SLC11A2: variants seen among roughly 807,000 people sequenced by gnomAD.
The protein encoded by SLC11A2 is natural resistance-associated macrophage protein 2.
A neutral mutation model predicts 68.0 loss-of-function variants in SLC11A2; 38 were observed. The ratio of observed to expected loss-of-function variants is 0.56; its 90% CI spans 0.43 to 0.73. SLC11A2 has a LOEUF of 0.73. SLC11A2 is among the 30% of genes least tolerant of loss of function. SLC11A2 has a pLI of 0.00. For synonymous variants in SLC11A2, 242 were observed against 250.6 expected (o/e 0.97, Z 0.32); for missense variants, 517 against 690.5 (o/e 0.75, Z 2.82).
At chr12:50,953,942 T>G in the SLC11A2 span, 1 of 1,054,162 alleles carries the variant, frequency 9.5e-7, no homozygotes, top group South Asian at 1.4e-5. Context: ...GAAAAACAAA[T>G]TATTTTTAAT....
At chr12:51,023,454 T>C (rs1453745126) in intron 1 of SLC11A2, among the ~76,000 whole-genome samples, 1 of 152,018 alleles carries the variant, frequency 6.6e-6, no homozygotes, top group Non-Finnish European at 1.5e-5. Flanking sequence ...CTCAAAAATA[T>C]AAAAATAAAG....
intron 1 of SLC11A2, among the ~76,000 whole-genome samples, chr12:51,012,983 C>G (rs1453540360): frequency 1.2e-4 from 18 of 152,226 alleles, no homozygotes; most frequent in Admixed American, 1.2e-3. Context: ...ACGTTCCCGG[C>G]AAAGCCTTTT....
chr12:50,993,166 G>A (rs572736339), intron 11 of SLC11A2: 3 of 376,128 alleles, frequency 8.0e-6, no homozygotes, highest in East Asian at 5.1e-5. Flanking sequence ...TCTTCTCCAA[G>A]CTCCTAAACC....
intron 1 of SLC11A2, among the ~76,000 whole-genome samples, chr12:51,025,090 A>G (rs1431724623): frequency 6.6e-6 from 1 of 152,250 alleles, no homozygotes; most frequent in Non-Finnish European, 1.5e-5. Context: ...ATTTAATAAA[A>G]CAAACACGCA....
downstream of SLC11A2, among the ~76,000 whole-genome samples, chr12:50,975,055 C>G (rs1939831015): frequency 6.6e-6 from 1 of 152,028 alleles, no homozygotes; most frequent in Non-Finnish European, 1.5e-5. Context: ...ACTTTAACAC[C>G]CGACTGTCAA....
At chr12:51,007,231 T>C (rs1942801981) in intron 3 of SLC11A2, among the ~76,000 whole-genome samples, 1 of 152,172 alleles carries the variant, frequency 6.6e-6, no homozygotes, top group East Asian at 1.9e-4. Context: ...CCAACCACCT[T>C]GGGCACATGT....
At chr12:51,027,917 T>TGGG (rs3840801), upstream of SLC11A2, among the ~76,000 whole-genome samples, 21 of 18,308 alleles carry the variant, frequency 1.1e-3, no homozygotes, top group South Asian at 0.011. Flanking sequence ...CAAAAAAAAG[T>TGGG]GGGGGGGGGG....
At chr12:50,961,070 C>A in the SLC11A2 span, 1 of 1,613,816 alleles carries the variant, frequency 6.2e-7, no homozygotes, top group East Asian at 2.2e-5. Flanking sequence ...AGAGTTGCTG[C>A]CCAAGGATTT....
At chr12:50,961,781 A>C in the SLC11A2 span, among the ~76,000 whole-genome samples, 2 of 152,198 alleles carry the variant, frequency 1.3e-5, no homozygotes, top group Non-Finnish European at 2.9e-5. Context: ...AGTCCCCTTC[A>C]TGACGTGCAG....
rs1027942440 is a variant in SLC11A2 at position 50,986,166 on chromosome 12, G to T, written c.*2159C>A. On this transcript the variant is annotated 3_prime_UTR_variant, in exon 16 of 16. Coordinates refer to ENST00000262052, the MANE Select transcript of SLC11A2 (RefSeq NM_000617.3). ...TAATGTAGCAGCACAATTATTTCAT[G>T]TCACATTTAAGAAGAACAAGAACCA... The T allele has an allele frequency of 3.1e-6, 4 of 1,285,516 alleles. No homozygotes were observed. Among genetic ancestry groups the T allele is most frequent in the Non-Finnish European group, 4.1e-6 (4 of 987,486 alleles). 79.6% of individuals were successfully genotyped at this position (1,285,516 alleles called of 1,614,324 possible). A position where few individuals can be genotyped will look rare whatever the true frequency, so the allele number is the denominator to read the frequency against.
At chr12:50,989,078 T>A (rs897081268) in intron 15 of SLC11A2, among the ~76,000 whole-genome samples, 4 of 152,136 alleles carry the variant, frequency 2.6e-5, no homozygotes, top group African/African-American at 9.7e-5. Context: ...GTCCTCCCCA[T>A]GATAAGAATG....
intron 2 of SLC11A2, chr12:51,009,243 G>A: frequency 7.3e-7 from 1 of 1,374,576 alleles, no homozygotes; most frequent in Non-Finnish European, 9.4e-7. Context: ...GGAACCCTTT[G>A]TACTCTGACT....
Position 50,992,556 on chromosome 12 carries a change from C to T in SLC11A2, c.1198-217G>A, listed in dbSNP as rs144340386. Among the ~76,000 whole-genome samples, 1,263 of 151,820 alleles carry T rather than the reference C, an allele frequency of 8.3e-3. 17 individuals carry two copies. The highest frequency in any genetic ancestry group is 0.028 in the African/African-American group (1,177 of 41,396). ...GACCTGCCTGGCCAACATGGTGAAA[C>T]GCCATCTCTACTAAAAATACAAAAA... On this transcript the variant is annotated intron_variant, in intron 12 of 15. Coordinates refer to ENST00000262052, the MANE Select transcript of SLC11A2 (RefSeq NM_000617.3).
At chr12:50,975,365 C>T (rs1470289795), downstream of SLC11A2, among the ~76,000 whole-genome samples, 1 of 151,946 alleles carries the variant, frequency 6.6e-6, no homozygotes, top group Non-Finnish European at 1.5e-5. Context: ...TACATGGAAA[C>T]TGAACAACCT....
At chr12:51,026,455 C>G, upstream of SLC11A2, 7 of 843,748 alleles carry the variant, frequency 8.3e-6, no homozygotes, top group Non-Finnish European at 1.2e-5. Context: ...GCTGGAGTCC[C>G]TGCAGCGGCC....
At chr12:50,973,158 C>T in the SLC11A2 span, among the ~76,000 whole-genome samples, 79 of 152,088 alleles carry the variant, frequency 5.2e-4, no homozygotes, top group Non-Finnish European at 8.1e-4. Context: ...TCTCCCAGCA[C>T]GGAGCTTGAG....
chr12:50,977,051 G>A (rs1217131468), downstream of SLC11A2, among the ~76,000 whole-genome samples: 10 of 152,212 alleles, frequency 6.6e-5, no homozygotes, highest in East Asian at 3.9e-4. Flanking sequence ...AATCAATATC[G>A]TGAAAACGGC....
chr12:50,953,589 C>G, the SLC11A2 span, among the ~76,000 whole-genome samples: 1 of 152,154 alleles, frequency 6.6e-6, no homozygotes, highest in Non-Finnish European at 1.5e-5. Context: ...GTATTTTTGC[C>G]TATGTTGGCA....
At chr12:50,974,749 C>G (rs1474968597), downstream of SLC11A2, among the ~76,000 whole-genome samples, 7 of 152,276 alleles carry the variant, frequency 4.6e-5, no homozygotes, top group East Asian at 9.6e-4. Context: ...AAACCCATCT[C>G]ATGTGCAGAG....
Sources: gnomAD v4.1 joint callset for allele counts (sites outside exome capture counted in the v4.1 genomes callset) on GRCh38, gnomAD v4.1.1 for gene constraint, MANE v1.5 for transcripts, NCBI Gene and HGNC (gene_info 2026-07-23, HGNC 2026-07-21) for gene names.